Variants in ADAMTS6 observed in about 807,000 individuals in gnomAD.
ADAMTS6 encodes the protein A disintegrin and metalloproteinase with thrombospondin motifs 6.
In ADAMTS6, 23 loss-of-function variants were observed where a neutral mutation model predicts 144.3. The observed-to-expected ratio is 0.16, with a 90% CI of 0.11 to 0.23. The LOEUF (loss-of-function observed/expected upper bound fraction) is 0.23. Ranked by LOEUF, ADAMTS6 falls within the 10% of genes least tolerant of loss-of-function variation. The pLI is 1.00. For missense variants in ADAMTS6, 999 were observed against 1,379.6 expected, an observed-to-expected ratio of 0.72 and a Z score of 4.37; for synonymous variants, 444 against 457.5, an observed-to-expected ratio of 0.97 and a Z score of 0.38.
In ADAMTS6 at chr5:65,360,113, C is replaced by T. The variant is rs114080632; in HGVS notation, c.1074-26028G>A. ...GTTGAATTGGCTCATGTTCCACAGG[C>T]TGTATAGGAACATGATGCTGGCCAT... On this transcript the variant is annotated intron_variant, in intron 7 of 24. Coordinates refer to ENST00000381055, the MANE Select transcript of ADAMTS6 (RefSeq NM_197941.4). Among the ~76,000 whole-genome samples the T allele has an allele frequency of 7.9e-3, 1,203 of 152,238 alleles. 13 individuals carry two copies. The highest frequency in any genetic ancestry group is 0.027 in the African/African-American group (1,136 of 41,540).
intron 11 of ADAMTS6, among the ~76,000 whole-genome samples, chr5:65,274,535 TG>T: frequency 6.6e-6 from 1 of 152,116 alleles, no homozygotes; most frequent in Non-Finnish European, 1.5e-5. Context: ...ATTAAGGCAA[TG>T]AAATATCGAT....
At chr5:65,247,418 T>A (rs974131685) in intron 14 of ADAMTS6, among the ~76,000 whole-genome samples, 1 of 152,146 alleles carries the variant, frequency 6.6e-6, no homozygotes, top group African/African-American at 2.4e-5. Flanking sequence ...GCTTACAAAC[T>A]TTTTAGTGGC....
chr5:65,357,787 G>T (rs1325223252), intron 7 of ADAMTS6, among the ~76,000 whole-genome samples: 1 of 151,738 alleles, frequency 6.6e-6, no homozygotes, highest in Non-Finnish European at 1.5e-5. Context: ...ACTGAATCAT[G>T]ATGAAATACA....
intron 2 of ADAMTS6, among the ~76,000 whole-genome samples, chr5:65,472,603 C>T (rs1190288245): frequency 6.6e-6 from 1 of 152,084 alleles, no homozygotes; most frequent in Non-Finnish European, 1.5e-5. Context: ...TTTCCATCTA[C>T]CTTCTTAGCT....
chr5:65,471,208 C>A lies in ADAMTS6; in HGVS notation c.98-66G>T, dbSNP rs1760406826. Reference sequence around the variant, plus strand: ...TGGAAGAAAAGAAAATTTAACGGAACAAAGAAGCAGCAATATAAACAACAA... The same window carrying A: ...TGGAAGAAAAGAAAATTTAACGGAAAAAAGAAGCAGCAATATAAACAACAA... On this transcript the variant is annotated intron_variant, in intron 2 of 24. Coordinates refer to ENST00000381055, the MANE Select transcript of ADAMTS6 (RefSeq NM_197941.4). 73 of 1,484,508 alleles carry A rather than the reference C, an allele frequency of 4.9e-5. 1 individual carries two copies. In the South Asian group the frequency reaches 9.2e-4, roughly 19 times the overall value. 92.0% of individuals were successfully genotyped at this position (1,484,508 alleles called of 1,614,324 possible). A position where few individuals can be genotyped will look rare whatever the true frequency, so the allele number is the denominator to read the frequency against.
In ADAMTS6 at chr5:65,172,815, C is replaced by G. The variant is rs775284460; in HGVS notation, c.3087+17G>C. 4 of 1,609,302 alleles carry G rather than the reference C, an allele frequency of 2.5e-6. No homozygotes were observed. The East Asian group carries it at 8.9e-5, about 36-fold the overall frequency. On this transcript the variant is annotated intron_variant, in intron 23 of 24. Coordinates refer to ENST00000381055, the MANE Select transcript of ADAMTS6 (RefSeq NM_197941.4). ...AAGGTGCTATTTCAGCAGGAGCCCA[C>G]AGTACAAACGCCTTACCTGGCCCCA...
At chr5:65,388,930 G>A (rs921475944) in intron 7 of ADAMTS6, among the ~76,000 whole-genome samples, 1 of 152,180 alleles carries the variant, frequency 6.6e-6, no homozygotes, top group Non-Finnish European at 1.5e-5. Flanking sequence ...TTTCCAGGCC[G>A]GGCGCAGTGG....
intron 24 of ADAMTS6, among the ~76,000 whole-genome samples, chr5:65,169,369 TA>T (rs1753447713): frequency 7.1e-6 from 1 of 141,344 alleles, no homozygotes; most frequent in East Asian, 2.0e-4. Flanking sequence ...TGGCAATCAT[TA>T]AAAAGTCAGG....
At chr5:65,178,298 C>T (rs971114886) in intron 22 of ADAMTS6, among the ~76,000 whole-genome samples, 7 of 152,324 alleles carry the variant, frequency 4.6e-5, no homozygotes, top group East Asian at 1.9e-4. Context: ...TCAACTCTCA[C>T]GTCTATTTAG....
intron 15 of ADAMTS6, among the ~76,000 whole-genome samples, chr5:65,231,557 C>T (rs1395869043): frequency 6.6e-6 from 1 of 152,074 alleles, no homozygotes; most frequent in African/African-American, 2.4e-5. Flanking sequence ...AAAATTCCAT[C>T]CAGAAGCATC....
intron 12 of ADAMTS6, among the ~76,000 whole-genome samples, chr5:65,268,877 T>G (rs868723022): frequency 6.6e-6 from 1 of 152,232 alleles, no homozygotes; most frequent in Non-Finnish European, 1.5e-5. Flanking sequence ...CCTCTGGATA[T>G]GTCTATGCTA....
At chr5:65,302,442 A>G (rs751232862) in intron 9 of ADAMTS6, among the ~76,000 whole-genome samples, 3 of 150,676 alleles carry the variant, frequency 2.0e-5, no homozygotes, top group Non-Finnish European at 4.4e-5. Context: ...TATTAGGAAG[A>G]GCTAGTAATT....
At position 65,448,892 on chromosome 5, in the gene ADAMTS6, A is replaced by G. The variant is rs761065760; in HGVS notation, c.1073+2583T>C. On this transcript the variant is annotated intron_variant, in intron 7 of 24. Coordinates refer to ENST00000381055, the MANE Select transcript of ADAMTS6 (RefSeq NM_197941.4). ...AGTGAGTTAGATCAACCAATTTTCA[A>G]TATTAATACAAAATCATCTGTGGAA... Among the ~76,000 whole-genome samples the G allele has an allele frequency of 1.0e-3, 158 of 152,204 alleles. 2 individuals are homozygous for G. Among genetic ancestry groups the G allele is most frequent in the Non-Finnish European group, 2.0e-3 (135 of 68,024 alleles).
rs943612435 is a variant in ADAMTS6, at chr5:65,172,883, G to A, written c.3036C>T (p.Cys1012=). The A allele has an allele frequency of 2.8e-5, 46 of 1,614,128 alleles. No homozygotes were observed. The highest frequency in any genetic ancestry group is 3.6e-5 in the Non-Finnish European group (43 of 1,180,050). ...EESKPPVRIR[C]SLGRCPPPRW... ...GAGGAGGAGGGCAGCGGCCCAAACT[G>A]CAGCGGATGCGGACAGGAGGTTTGC... The change falls in exon 23 of 25, where the codon TGC becomes TGT. Residue 1012 remains cysteine, a synonymous_variant. Transcript: ENST00000381055.
In ADAMTS6 at chr5:65,217,826, A is replaced by G. The variant is rs75993264; in HGVS notation, c.2273-2339T>C. Among the ~76,000 whole-genome samples the G allele has an allele frequency of 3.6e-3, 547 of 152,348 alleles. 4 individuals carry two copies. The highest frequency in any genetic ancestry group is 0.013 in the African/African-American group (527 of 41,584). ...TCAAAGGATTAAACATCAAATAAAT[A>G]GAACTTCTCCTCACTTTCATGCTGA... On this transcript the variant is annotated intron_variant, in intron 18 of 24. Coordinates refer to ENST00000381055, the MANE Select transcript of ADAMTS6 (RefSeq NM_197941.4).
intron 11 of ADAMTS6, among the ~76,000 whole-genome samples, chr5:65,280,904 G>A (rs532719059): frequency 3.3e-5 from 5 of 152,248 alleles, no homozygotes; most frequent in Admixed American, 1.3e-4. Flanking sequence ...TCTATATACA[G>A]AAGAATCTTC....
At chr5:65,199,676 T>C (rs1755611352) in intron 20 of ADAMTS6, among the ~76,000 whole-genome samples, 1 of 152,174 alleles carries the variant, frequency 6.6e-6, no homozygotes, top group Admixed American at 6.5e-5. Context: ...ATTACATGTA[T>C]ACCCAAACTA....
chr5:65,443,683 G>A (rs1329992720), intron 7 of ADAMTS6, among the ~76,000 whole-genome samples: 3 of 140,774 alleles, frequency 2.1e-5, no homozygotes, highest in African/African-American at 5.3e-5. Flanking sequence ...GCAATTCACT[G>A]TATTAATCCA....
intron 7 of ADAMTS6, among the ~76,000 whole-genome samples, chr5:65,358,256 A>G (rs1471052654): frequency 3.3e-5 from 5 of 152,026 alleles, no homozygotes; most frequent in Non-Finnish European, 7.4e-5. Flanking sequence ...AGCATTTGAC[A>G]AAATCAACAA....
Sources: allele counts gnomAD v4.1 joint callset (sites outside exome capture counted in the v4.1 genomes callset), GRCh38; gene constraint gnomAD v4.1.1; transcripts MANE v1.5; gene names NCBI Gene and HGNC (gene_info 2026-07-23, HGNC 2026-07-21).